Variants in S100A4 observed in about 807,000 individuals in gnomAD.
The protein encoded by S100A4 is S100 calcium binding protein A4, also known as protein S100-A4.
A neutral mutation model predicts 6.3 loss-of-function variants in S100A4; 4 were observed. The observed-to-expected ratio is 0.64, with a 90% CI of 0.31 to 1.46. The LOEUF is 1.46. Ranked by LOEUF, S100A4 falls within the 40% of genes most tolerant of loss-of-function variation. The probability of loss-of-function intolerance (pLI) is 0.07; values close to 1 mark genes in which losing one functional copy is unlikely to be tolerated. For synonymous variants in S100A4, 44 were observed against 47.6 expected (o/e 0.92, Z 0.32); for missense variants, 108 against 120.8 (o/e 0.89, Z 0.50).
rs1665467072 is a variant in S100A4 at position 153,543,854 on chromosome 1, C to T, written c.211G>A (p.Asp71Asn). Reference protein sequence around the residue: ...NLDSNRDNEVDFQEYCVFLSC... With the variant: ...NLDSNRDNEVNFQEYCVFLSC... ...AGGAAGACACAGTACTCTTGGAAGT[C>T]CACCTCGTTGTCCCTGTTGCTGTCC... The change falls in exon 3 of 3, where the codon GAC becomes AAC. Residue 71 changes from aspartate to asparagine, a missense_variant. Asp to Asn is a conservative substitution (Grantham distance 23). Transcript: ENST00000368716. 12 of 1,614,184 alleles carry T rather than the reference C, an allele frequency of 7.4e-6. No individual in the cohort carries two copies. In the East Asian group the frequency reaches 8.9e-5, roughly 12 times the overall value.
chr1:153,545,676 C>G (rs1665541392), intron 1 of S100A4, 77 bp downstream of exon 1: 1 of 152,908 alleles, frequency 6.5e-6, no homozygotes, highest in African/African-American at 2.4e-5. Flanking sequence ...CATCTGGCCC[C>G]CACCAGCCTC....
chr1:153,544,055 C>T, intron 2 of S100A4, 132 bp from the exon 3 acceptor site: 1 of 897,732 alleles, frequency 1.1e-6, no homozygotes, highest in East Asian at 2.4e-5. Flanking sequence ...CTCCAACCCT[C>T]AAGGCTAAGC....
chr1:153,544,045 C>T, intron 2 of S100A4, 122 bp from the exon 3 acceptor site: 1 of 1,028,168 alleles, frequency 9.7e-7, no homozygotes, highest in Non-Finnish European at 1.4e-6. Flanking sequence ...CAGTTTGGAA[C>T]TCCAACCCTC....
intron 1 of S100A4, 41 bp from the exon 2 acceptor site, chr1:153,544,850 C>G: frequency 6.2e-7 from 1 of 1,609,954 alleles, no homozygotes; most frequent in Non-Finnish European, 8.5e-7. Context: ...TTAATCCCAC[C>G]CCTCAGAGAT....
chr1:153,544,673 T>A lies in S100A4; in HGVS notation c.122A>T (p.Glu41Val), dbSNP rs1557892288. Reference protein sequence around the residue: ...KSELKELLTRELPSFLGKRTD... With the variant: ...KSELKELLTRVLPSFLGKRTD... ...ACTCACCCCCAAGAAGCTGGGCAGCTCCCGGGTCAGCAGCTCCTTTAGTTC... is the reference window on the plus strand; with the variant it reads ...ACTCACCCCCAAGAAGCTGGGCAGCACCCGGGTCAGCAGCTCCTTTAGTTC... The change falls in exon 2 of 3, where the codon GAG becomes GTG. Residue 41 changes from glutamate to valine, a missense_variant. By Grantham distance (121) the Glu-to-Val change is moderately radical. Coordinates refer to ENST00000368716, the MANE Select transcript of S100A4 (RefSeq NM_002961.3). 6.2e-7 allele frequency: 1 copy of A among 1,614,170 alleles called. No homozygotes were observed. The highest frequency in any genetic ancestry group is 8.5e-7 in the Non-Finnish European group (1 of 1,180,022).
intron 2 of S100A4, among the ~76,000 whole-genome samples, chr1:153,544,444 G>T (rs953995504): frequency 4.6e-5 from 7 of 152,204 alleles, no homozygotes; most frequent in African/African-American, 1.7e-4. Context: ...GTTAAGTTGT[G>T]CAAAGCACCT....
Position 153,543,643 on chromosome 1 carries a change from G to T in S100A4, c.*116C>A. 2 of 1,014,866 alleles carry T rather than the reference G, an allele frequency of 2.0e-6. No homozygotes were observed. The highest frequency in any genetic ancestry group is 2.9e-6 in the Non-Finnish European group (2 of 679,412). The allele number at this position is 1,014,866 out of a possible 1,614,324, so 62.9% of individuals were successfully genotyped here. A position where few individuals can be genotyped will look rare whatever the true frequency, so the allele number is the denominator to read the frequency against. On this transcript the variant is annotated 3_prime_UTR_variant, in exon 3 of 3. Coordinates refer to ENST00000368716, the MANE Select transcript of S100A4 (RefSeq NM_002961.3). ...CTCAAAACTTCCAAGAATCTTTATT[G>T]AACTTGCTCAGCATCAAGCACGTGT...
In S100A4 at chr1:153,543,639, T is replaced by C. The variant is rs1665455603; in HGVS notation, c.*120A>G. The stretch of plus-strand genomic sequence containing the variant: ...CAGCCTCAAAACTTCCAAGAATCTT[T>C]ATTGAACTTGCTCAGCATCAAGCAC... On this transcript the variant is annotated 3_prime_UTR_variant, in exon 3 of 3. Coordinates refer to ENST00000368716, the MANE Select transcript of S100A4 (RefSeq NM_002961.3). 1.0e-6 allele frequency: 1 copy of C among 1,001,080 alleles called. No homozygotes were observed. The highest frequency in any genetic ancestry group is 1.5e-6 in the Non-Finnish European group (1 of 665,920). 62.0% of individuals were successfully genotyped at this position (1,001,080 alleles called of 1,614,324 possible). A position where few individuals can be genotyped will look rare whatever the true frequency, so the allele number is the denominator to read the frequency against.
intron 2 of S100A4, among the ~76,000 whole-genome samples, chr1:153,544,231 AT>A (rs1159403825): frequency 6.6e-6 from 1 of 152,212 alleles, no homozygotes; most frequent in Non-Finnish European, 1.5e-5. Context: ...ACAAATATAC[AT>A]TGTTATTGTT....
rs1665506415 is a variant in S100A4 at position 153,544,762 on chromosome 1, C to G, written c.33G>C (p.Val11=). Residue 11 remains valine, a synonymous_variant, in exon 2 of 3, where the codon GTG becomes GTC. Coordinates refer to ENST00000368716, the MANE Select transcript of S100A4 (RefSeq NM_002961.3). ...AGTACTTGTGGAAGGTGGACACCAT[C>G]ACATCCAGGGCCTTCTCCAGAGGGC... is the stretch of plus-strand genomic sequence containing the variant. MACPLEKALD[V]MVSTFHKYSG... 50 of 1,614,248 alleles carry G rather than the reference C, an allele frequency of 3.1e-5. 1 individual carries two copies. The East Asian group carries it at 1.1e-3, about 36-fold the overall frequency.
In S100A4 at chr1:153,543,753, G is replaced by A. The variant is rs1665461787; in HGVS notation, c.*6C>T. The stretch of plus-strand genomic sequence containing the variant: ...GGCAGACCCCCCAACCACATCAGAG[G>A]AGTTTTCATTTCTTCCTGGGCTGCT... On this transcript the variant is annotated 3_prime_UTR_variant, in exon 3 of 3. Transcript: ENST00000368716. The A allele has an allele frequency of 6.2e-7, 1 of 1,613,402 alleles. No individual in the cohort carries two copies. The highest frequency in any genetic ancestry group is 1.7e-5 in the Admixed American group (1 of 59,988).
At chr1:153,544,628 G>T in intron 2 of S100A4, 26 bp downstream of exon 2, 3 of 1,613,860 alleles carry the variant, frequency 1.9e-6, no homozygotes, top group Non-Finnish European at 2.5e-6. Context: ...CCCACGTGGG[G>T]ACTCACTCAG....
chr1:153,545,069 G>A (rs1665518378), intron 1 of S100A4: 2 of 421,804 alleles, frequency 4.7e-6, no homozygotes, highest in Non-Finnish European at 4.4e-6. Flanking sequence ...GGGCCTCCCA[G>A]GCCTTGCCTC....
At chr1:153,544,622 C>T (rs1337744716) in intron 2 of S100A4, 32 bp downstream of exon 2, 11 of 1,613,566 alleles carry the variant, frequency 6.8e-6, no homozygotes, top group South Asian at 4.4e-5. Context: ...AAATGCCCCA[C>T]GTGGGGACTC....
intron 1 of S100A4, 135 bp from the exon 2 acceptor site, chr1:153,544,944 G>C: frequency 9.3e-7 from 1 of 1,075,886 alleles, no homozygotes; most frequent in Non-Finnish European, 1.3e-6. Flanking sequence ...GCCCAGAGCA[G>C]TGGGCCCCCG....
At chr1:153,543,978 G>T in intron 2 of S100A4, 55 bp from the exon 3 acceptor site, 1 of 1,592,428 alleles carries the variant, frequency 6.3e-7, no homozygotes, top group Non-Finnish European at 8.6e-7. Context: ...GTGGAGCCAG[G>T]ACCAGACCCA....
chr1:153,545,383 G>A (rs1665530249), intron 1 of S100A4: 1 of 155,200 alleles, frequency 6.4e-6, no homozygotes, highest in African/African-American at 2.4e-5. Flanking sequence ...GCCCACAGTT[G>A]CCTTCTGCCT....
chr1:153,544,653 C>A lies in S100A4; in HGVS notation c.141+1G>T. 2.5e-6 allele frequency: 4 copies of A among 1,614,196 alleles called. No homozygotes were observed. The highest frequency in any genetic ancestry group is 3.4e-6 in the Non-Finnish European group (4 of 1,180,002). ...GACTCACTCAGGCACTACCCACTCA[C>A]CCCCAAGAAGCTGGGCAGCTCCCGG... is the stretch of plus-strand genomic sequence containing the variant. On this transcript the variant is annotated splice_donor_variant, in intron 2 of 2. Coordinates refer to ENST00000368716, the MANE Select transcript of S100A4 (RefSeq NM_002961.3). LOFTEE classifies it high-confidence loss of function.
intron 1 of S100A4, chr1:153,545,374 C>G (rs1413634656): frequency 6.4e-6 from 1 of 155,468 alleles, no homozygotes; most frequent in Non-Finnish European, 1.4e-5. Flanking sequence ...CAGACAAAGG[C>G]CCACAGTTGC....
Sources: gnomAD v4.1 joint callset for allele counts (sites outside exome capture counted in the v4.1 genomes callset) on GRCh38, gnomAD v4.1.1 for gene constraint, MANE v1.5 for transcripts, NCBI Gene and HGNC (gene_info 2026-07-23, HGNC 2026-07-21) for gene names.